The following ACTN3 variants were observed in gnomAD, a reference collection of about 807,000 sequenced individuals.
The protein encoded by ACTN3 is alpha-actinin-3.
A neutral mutation model predicts 119.6 loss-of-function variants in ACTN3; 91 were observed. The observed-to-expected ratio is 0.76, with a 90% CI of 0.64 to 0.91. ACTN3 has a LOEUF of 0.91. Among genes scored for constraint, ACTN3 ranks in the 40% least tolerant of loss-of-function variants. ACTN3 has a pLI of 0.00. For synonymous variants in ACTN3, 456 were observed against 478.8 expected (o/e 0.95, Z 0.62); for missense variants, 1,221 against 1,215.1 (o/e 1.00, Z -0.07).
In ACTN3 at chr11:66,562,025, ATCCGCGTGGGC is replaced by A; in HGVS notation, c.2181_2191del (p.Ile727MetfsTer14). On this transcript the variant is annotated frameshift_variant, in exon 18 of 21. Coordinates refer to ENST00000513398, the MANE Select transcript of ACTN3 (RefSeq NM_001104.4). LOFTEE classifies it high-confidence loss of function. ...TGGCCTGTCCCCTGACCGCCAGCAC[ATCCGCGTGGGC>A]TGGGAGCAGCTGCTCACCTCCATTG... 1.2e-6 allele frequency: 2 copies of A among 1,608,010 alleles called. No homozygotes were observed. The highest frequency in any genetic ancestry group is 1.7e-6 in the Non-Finnish European group (2 of 1,177,394).
In ACTN3 at chr11:66,555,240, T is replaced by A. The variant is rs760011541; in HGVS notation, c.636+32T>A. 17 of 1,613,644 alleles carry A rather than the reference T, an allele frequency of 1.1e-5. No homozygotes were observed. The East Asian group carries it at 3.6e-4, about 34-fold the overall frequency. On this transcript the variant is annotated intron_variant, in intron 6 of 20. Coordinates refer to ENST00000513398, the MANE Select transcript of ACTN3 (RefSeq NM_001104.4). ...GCCCCCACCACCCCAGCCCAAGGCC[T>A]CTGCCTGCAGCTGACCTTTCACCCT... is the stretch of plus-strand genomic sequence containing the variant.
At chr11:66,550,931 GT>G in intron 1 of ACTN3, 2 of 467,192 alleles carry the variant, frequency 4.3e-6, no homozygotes, top group Non-Finnish European at 8.2e-6. Context: ...TTTTGAATGT[GT>G]TAACATTTTC....
intron 1 of ACTN3, among the ~76,000 whole-genome samples, chr11:66,549,337 C>G (rs1419588295): frequency 6.6e-6 from 1 of 152,204 alleles, no homozygotes; most frequent in East Asian, 1.9e-4. Flanking sequence ...CGCAGCGTCC[C>G]TCCCATAAAT....
chr11:66,562,041 A>G lies in ACTN3; in HGVS notation c.2195A>G (p.Glu732Gly). Residue 732 changes from glutamate (E) to glycine (G), a missense_variant, in exon 18 of 21, where the codon GAG becomes GGG. By Grantham distance (98) the Glu-to-Gly change is moderately conservative (BLOSUM62 -2). Coordinates refer to ENST00000513398, the MANE Select transcript of ACTN3 (RefSeq NM_001104.4). ...CGCCAGCACATCCGCGTGGGCTGGG[A>G]GCAGCTGCTCACCTCCATTGCCCGC... ...YSMEHIRVGW[E>G]QLLTSIARTI... 6.2e-7 allele frequency: 1 copy of G among 1,611,898 alleles called. No homozygotes were observed. The highest frequency in any genetic ancestry group is 1.7e-4 in the Middle Eastern group (1 of 6,060).
chr11:66,563,299 C>T lies in ACTN3; in HGVS notation c.*106C>T. ...GCCTAAGAGAAAAGCCAGCCAAGTGCTTCTGAATAAAGATCCCTCTCTGGG... is the reference window on the plus strand; with the variant it reads ...GCCTAAGAGAAAAGCCAGCCAAGTGTTTCTGAATAAAGATCCCTCTCTGGG... On this transcript the variant is annotated 3_prime_UTR_variant, in exon 21 of 21. Transcript: ENST00000513398. 3.6e-6 allele frequency: 5 copies of T among 1,375,008 alleles called. No individual in the cohort carries two copies. Among genetic ancestry groups the T allele is most frequent in the Non-Finnish European group, 4.8e-6 (5 of 1,031,966 alleles). The allele number at this position is 1,375,008 out of a possible 1,614,324, so 85.2% of individuals were successfully genotyped here.
chr11:66,551,600 A>C lies in ACTN3; in HGVS notation c.335A>C (p.Asp112Ala). 1.2e-6 allele frequency: 2 copies of C among 1,614,082 alleles called. No homozygotes were observed. The highest frequency in any genetic ancestry group is 1.7e-6 in the Non-Finnish European group (2 of 1,180,042). The change falls in exon 3 of 21, where the codon GAC becomes GCC. Residue 112 changes from aspartate to alanine, a missense_variant. Asp to Ala is a moderately radical substitution (Grantham distance 126). This residue lies in a region of ACTN3 where 239 missense variants were observed against 231.8 expected (regional missense o/e 1.03). Coordinates refer to ENST00000513398, the MANE Select transcript of ACTN3 (RefSeq NM_001104.4). ...HKIANVNKAL[D>A]FIASKGVKLV... ...ATCGCCAACGTTAACAAGGCCCTGG[A>C]CTTCATTGCCAGCAAGGGGGTTAAA... is the stretch of plus-strand genomic sequence containing the variant.
chr11:66,550,226 G>A (rs1375142756), intron 1 of ACTN3, among the ~76,000 whole-genome samples: 1 of 152,222 alleles, frequency 6.6e-6, no homozygotes. Context: ...GCTGACCCTA[G>A]ATCACAGAGC....
chr11:66,562,070 A>G lies in ACTN3; in HGVS notation c.2224A>G (p.Ile742Val), dbSNP rs777316808. 7 of 1,613,818 alleles carry G rather than the reference A, an allele frequency of 4.3e-6. No homozygotes were observed. In the East Asian group the frequency reaches 1.6e-4, roughly 36 times the overall value. Residue 742 changes from isoleucine (I) to valine (V), a missense_variant, in exon 18 of 21, where the codon ATC (isoleucine) becomes GTC (valine). Coordinates refer to ENST00000513398, the MANE Select transcript of ACTN3 (RefSeq NM_001104.4). ...EQLLTSIART[I>V]NEVENQVLTR... ...GCTGCTCACCTCCATTGCCCGCACC[A>G]TCAATGAAGTGGAGAACCAGGTACT...
rs1352043617 is a variant in ACTN3 at position 66,547,028 on chromosome 11, G to C, written c.91G>C (p.Glu31Gln). 6.6e-7 allele frequency: 1 copy of C among 1,519,222 alleles called. No individual in the cohort carries two copies. Among genetic ancestry groups the C allele is most frequent in the Non-Finnish European group, 8.8e-7 (1 of 1,136,702 alleles). The allele number at this position is 1,519,222 out of a possible 1,614,324, so 94.1% of individuals were successfully genotyped here. Reference sequence around the variant, plus strand: ...GGGCGGCGAGTACATGGAACAGGAGGAGGACTGGGACCGCGACCTGCTGCT... The same window carrying C: ...GGGCGGCGAGTACATGGAACAGGAGCAGGACTGGGACCGCGACCTGCTGCT... Reference protein sequence around the residue: ...GGGGEYMEQEEDWDRDLLLDP... With the variant: ...GGGGEYMEQEQDWDRDLLLDP... The change falls in exon 1 of 21, where the codon GAG becomes CAG. Residue 31 changes from glutamate (E) to glutamine (Q), a missense_variant. By Grantham distance (29) the Glu-to-Gln change is conservative. Transcript: ENST00000513398.
At position 66,558,524 on chromosome 11, in the gene ACTN3, C is replaced by T. The variant is rs746268786; in HGVS notation, c.1276+350C>T. Among the ~76,000 whole-genome samples, 13 of 152,334 alleles carry T rather than the reference C, an allele frequency of 8.5e-5. No individual in the cohort carries two copies. In the South Asian group the frequency reaches 1.0e-3, roughly 12 times the overall value. ...CTGGGACCACAGGCGTGCACCACCACGCCCAGTAACTTTTTGTACTTTTTG... is the reference window on the plus strand; with the variant it reads ...CTGGGACCACAGGCGTGCACCACCATGCCCAGTAACTTTTTGTACTTTTTG... On this transcript the variant is annotated intron_variant, in intron 11 of 20. Transcript: ENST00000513398.
chr11:66,561,311 T>C lies in ACTN3; in HGVS notation c.1945T>C (p.Phe649Leu). Reference sequence around the variant, plus strand: ...GGTAAACGAGAGGCTCCGGCGACAGTTTGCGGCCCAGGCCAATGCCATTGG... The same window carrying C: ...GGTAAACGAGAGGCTCCGGCGACAGCTTGCGGCCCAGGCCAATGCCATTGG... ...QQVNERLRRQ[F>L]AAQANAIGPW... The change falls in exon 16 of 21, where the codon TTT (phenylalanine) becomes CTT (leucine). Residue 649 changes from phenylalanine (F) to leucine (L), a missense_variant. Physicochemically the swap from Phe to Leu is conservative, Grantham distance 22 (BLOSUM62 0). Coordinates refer to ENST00000513398, the MANE Select transcript of ACTN3 (RefSeq NM_001104.4). 1.2e-6 allele frequency: 2 copies of C among 1,611,012 alleles called. No individual in the cohort carries two copies. The highest frequency in any genetic ancestry group is 1.7e-6 in the Non-Finnish European group (2 of 1,179,128).
chr11:66,552,257 C>T (rs762469256), intron 3 of ACTN3, among the ~76,000 whole-genome samples: 2 of 151,808 alleles, frequency 1.3e-5, no homozygotes, highest in African/African-American at 4.8e-5. Flanking sequence ...GTAATCCCAA[C>T]TACTTAGGAG....
At chr11:66,556,252 T>C in intron 8 of ACTN3, 22 bp downstream of exon 8, 1 of 1,610,382 alleles carries the variant, frequency 6.2e-7, no homozygotes, top group South Asian at 1.1e-5. Flanking sequence ...CAACTGCTGC[T>C]GCCTGGGCTT....
At chr11:66,562,733 G>C in intron 19 of ACTN3, 63 bp from the exon 20 acceptor site, 1 of 1,520,890 alleles carries the variant, frequency 6.6e-7, no homozygotes, top group Non-Finnish European at 8.9e-7. Flanking sequence ...CCCAGGAGGG[G>C]ACACTGGGAG....
intron 1 of ACTN3, among the ~76,000 whole-genome samples, chr11:66,549,513 C>T (rs1291695309): frequency 6.6e-6 from 1 of 151,998 alleles, no homozygotes; most frequent in Non-Finnish European, 1.5e-5. Flanking sequence ...GGGCGGATCA[C>T]CTGAGGTTGT....
rs749981982 is a variant in ACTN3 at position 66,547,060 on chromosome 11, G to A, written c.123G>A (p.Pro41=). Residue 41 remains proline, a synonymous_variant, in exon 1 of 21, where the codon CCG becomes CCA. Coordinates refer to ENST00000513398, the MANE Select transcript of ACTN3 (RefSeq NM_001104.4). The part of the protein sequence containing the change: ...EDWDRDLLLD[P]AWEKQQRKTF... The stretch of plus-strand genomic sequence containing the variant: ...GGGACCGCGACCTGCTGCTGGACCC[G>A]GCCTGGGAGAAGCAGCAGCGGAAAG... The A allele has an allele frequency of 2.0e-6, 3 of 1,509,566 alleles. No homozygotes were observed. The highest frequency in any genetic ancestry group is 4.6e-5 in the Admixed American group (2 of 43,488). 93.5% of individuals were successfully genotyped at this position (1,509,566 alleles called of 1,614,324 possible). A position where few individuals can be genotyped will look rare whatever the true frequency, so the allele number is the denominator to read the frequency against.
chr11:66,552,319 G>T (rs1857489835), intron 3 of ACTN3, among the ~76,000 whole-genome samples: 1 of 151,630 alleles, frequency 6.6e-6, no homozygotes, highest in African/African-American at 2.4e-5. Flanking sequence ...GCAGTGAGCT[G>T]AGATCTTGCC....
At chr11:66,559,029 A>C (rs1044852539) in intron 11 of ACTN3, 3 of 435,728 alleles carry the variant, frequency 6.9e-6, no homozygotes, top group African/African-American at 6.1e-5. Context: ...TAGCTCGCTC[A>C]GGGGACGCTG....
intron 11 of ACTN3, 24 bp downstream of exon 11, chr11:66,558,198 C>T: frequency 6.2e-7 from 1 of 1,609,434 alleles, no homozygotes; most frequent in Non-Finnish European, 8.5e-7. Flanking sequence ...CCTCATGGGG[C>T]TGGACTGTCT....
Sources: gnomAD v4.1 joint callset for allele counts (sites outside exome capture counted in the v4.1 genomes callset) on GRCh38, gnomAD v4.1.1 for gene constraint, gnomAD v4.1.1 regional missense constraint, MANE v1.5 for transcripts, NCBI Gene and HGNC (gene_info 2026-07-23, HGNC 2026-07-21) for gene names.